Variants in RNF144A observed in about 807,000 individuals in gnomAD.
RNF144A encodes E3 ubiquitin-protein ligase RNF144A.
Under a neutral mutation model 38.7 loss-of-function variants are expected in RNF144A, and 11 were observed. The ratio of observed to expected loss-of-function variants is 0.28; its 90% CI spans 0.18 to 0.47. The LOEUF (loss-of-function observed/expected upper bound fraction) is 0.47. RNF144A is among the 20% of genes least tolerant of loss of function. The probability of loss-of-function intolerance (pLI) is 0.99; values close to 1 mark genes in which losing one functional copy is unlikely to be tolerated. For synonymous variants in RNF144A, 149 were observed against 143.9 expected, an observed-to-expected ratio of 1.04 and a Z score of -0.25; for missense variants, 316 against 377.2, an observed-to-expected ratio of 0.84 and a Z score of 1.34.
At chr2:6,998,641 A>G (rs968104430) in intron 3 of RNF144A, among the ~76,000 whole-genome samples, 2 of 152,208 alleles carry the variant, frequency 1.3e-5, no homozygotes, top group African/African-American at 4.8e-5. Context: ...AAGCACCAGG[A>G]AGACAGCTCC....
chr2:6,946,776 GT>G (rs1335046927), intron 2 of RNF144A, among the ~76,000 whole-genome samples: 3 of 152,030 alleles, frequency 2.0e-5, no homozygotes, highest in Non-Finnish European at 4.4e-5. Context: ...CTTAAACAAA[GT>G]GCCTCTAAGT....
chr2:6,980,387 T>C (rs1483346428), intron 2 of RNF144A, among the ~76,000 whole-genome samples: 1 of 152,240 alleles, frequency 6.6e-6, no homozygotes, highest in African/African-American at 2.4e-5. Context: ...ACTTCTAAGA[T>C]ATACTGGGGG....
intron 6 of RNF144A, among the ~76,000 whole-genome samples, chr2:7,021,235 C>T (rs549238935): frequency 6.6e-6 from 1 of 152,246 alleles, no homozygotes; most frequent in South Asian, 2.1e-4. Context: ...TCATCATATC[C>T]AGGTCTTTTT....
At chr2:6,940,430 C>T (rs141888016) in intron 1 of RNF144A, among the ~76,000 whole-genome samples, 49 of 152,284 alleles carry the variant, frequency 3.2e-4, no homozygotes, top group Admixed American at 2.6e-3. Context: ...TTACTGATAA[C>T]GCTGAATTTA....
intron 2 of RNF144A, among the ~76,000 whole-genome samples, chr2:6,964,435 A>G (rs1297067025): frequency 2.0e-5 from 3 of 152,378 alleles, no homozygotes; most frequent in Admixed American, 1.3e-4. Flanking sequence ...ATCTAGAACT[A>G]GAAATACCAT....
chr2:6,947,941 G>C (rs1345516565), intron 2 of RNF144A, among the ~76,000 whole-genome samples: 3 of 152,220 alleles, frequency 2.0e-5, no homozygotes, highest in Non-Finnish European at 2.9e-5. Flanking sequence ...CATAACGTGT[G>C]ATCAACATTC....
chr2:7,042,904 G>A lies in RNF144A; in HGVS notation c.*3144G>A. 1 of 961,306 alleles carries A rather than the reference G, an allele frequency of 1.0e-6. No individual in the cohort carries two copies. Among genetic ancestry groups the A allele is most frequent in the Non-Finnish European group, 1.2e-6 (1 of 808,598 alleles). The allele number at this position is 961,306 out of a possible 1,614,324, so 59.5% of individuals were successfully genotyped here. A position where few individuals can be genotyped will look rare whatever the true frequency, so the allele number is the denominator to read the frequency against. Reference sequence around the variant, plus strand: ...CTTTTTGAGACGGAGTTTCGCTTTTGTCCCCCAAGCTGGAGTACAATGACA... The same window carrying A: ...CTTTTTGAGACGGAGTTTCGCTTTTATCCCCCAAGCTGGAGTACAATGACA... On this transcript the variant is annotated 3_prime_UTR_variant, in exon 9 of 9. Transcript: ENST00000320892.
At chr2:6,986,589 G>A (rs1668981771) in intron 2 of RNF144A, among the ~76,000 whole-genome samples, 1 of 152,164 alleles carries the variant, frequency 6.6e-6, no homozygotes, top group African/African-American at 2.4e-5. Context: ...AACAGAGTGT[G>A]ATTAAGATCA....
At chr2:7,030,337 T>A in intron 8 of RNF144A, 122 bp downstream of exon 8, 1 of 755,338 alleles carries the variant, frequency 1.3e-6, no homozygotes, top group South Asian at 1.6e-5. Flanking sequence ...CAGACTTGCC[T>A]AAAGGACGAA....
At chr2:6,964,002 G>T (rs890812495) in intron 2 of RNF144A, among the ~76,000 whole-genome samples, 1 of 152,090 alleles carries the variant, frequency 6.6e-6, no homozygotes, top group African/African-American at 2.4e-5. Context: ...AGGAAGTAAT[G>T]ATGTGGCTCA....
At chr2:7,069,962 A>G (rs113175295), downstream of RNF144A, among the ~76,000 whole-genome samples, 3 of 152,340 alleles carry the variant, frequency 2.0e-5, no homozygotes, top group Non-Finnish European at 4.4e-5. Flanking sequence ...TTTTGCGTGC[A>G]TGGAAGTGCT....
At chr2:7,060,653 T>C (rs1673915829) in intron 6 of RNF144A, among the ~76,000 whole-genome samples, 1 of 152,204 alleles carries the variant, frequency 6.6e-6, no homozygotes, top group Non-Finnish European at 1.5e-5. Flanking sequence ...ACCACATCGT[T>C]GTCACCCTTG....
intron 3 of RNF144A, among the ~76,000 whole-genome samples, chr2:6,999,975 C>T (rs1188017542): frequency 6.6e-6 from 1 of 152,212 alleles, no homozygotes; most frequent in East Asian, 1.9e-4. Flanking sequence ...ACCAAGACAT[C>T]CACAGCCAGA....
chr2:7,009,053 C>T (rs1463566185), intron 3 of RNF144A, among the ~76,000 whole-genome samples: 1 of 152,090 alleles, frequency 6.6e-6, no homozygotes, highest in Non-Finnish European at 1.5e-5. Flanking sequence ...GCCACAGAGG[C>T]ATTACCCCTG....
chr2:7,024,508 T>C lies in RNF144A; in HGVS notation c.649T>C (p.Ser217Pro), dbSNP rs775561756. Residue 217 changes from serine to proline, a missense_variant, in exon 7 of 9, where the codon TCT becomes CCT. Coordinates refer to ENST00000320892, the MANE Select transcript of RNF144A (RefSeq NM_014746.6). The part of the protein sequence containing the change: ...KHAFCWYCLE[S>P]LDDDFLLIHY... The stretch of plus-strand genomic sequence containing the variant: ...CGCCTTCTGCTGGTACTGCCTGGAG[T>C]CTCTGGACGTGAGTACGGCCTTCAG... 1 of 1,605,852 alleles carries C rather than the reference T, an allele frequency of 6.2e-7. No homozygotes were observed. Among genetic ancestry groups the C allele is most frequent in the Non-Finnish European group, 8.5e-7 (1 of 1,173,192 alleles).
intron 1 of RNF144A, among the ~76,000 whole-genome samples, chr2:6,928,641 T>C (rs1207247862): frequency 6.6e-6 from 1 of 152,234 alleles, no homozygotes; most frequent in African/African-American, 2.4e-5. Context: ...CCTTCCTTTC[T>C]GGCGACTGCG....
At chr2:6,954,110 G>T (rs1452446975) in intron 2 of RNF144A, among the ~76,000 whole-genome samples, 2 of 151,676 alleles carry the variant, frequency 1.3e-5, no homozygotes, top group Non-Finnish European at 2.9e-5. Flanking sequence ...ATACTTTTAG[G>T]TATATTTATC....
Position 7,043,206 on chromosome 2 carries a change from T to C in RNF144A, c.*3446T>C. 1 of 985,412 alleles carries C rather than the reference T, an allele frequency of 1.0e-6. No homozygotes were observed. Among genetic ancestry groups the C allele is most frequent in the Non-Finnish European group, 1.2e-6 (1 of 829,924 alleles). The allele number at this position is 985,412 out of a possible 1,614,324, so 61.0% of individuals were successfully genotyped here. A position where few individuals can be genotyped will look rare whatever the true frequency, so the allele number is the denominator to read the frequency against. On this transcript the variant is annotated 3_prime_UTR_variant, in exon 9 of 9. Coordinates refer to ENST00000320892, the MANE Select transcript of RNF144A (RefSeq NM_014746.6). The stretch of plus-strand genomic sequence containing the variant: ...GGGAACAAATGATCTTGACAACATA[T>C]TATTCCATAAAACCAGTTTAGGGCA...
chr2:7,011,455 A>G (rs531292674), intron 3 of RNF144A, among the ~76,000 whole-genome samples: 5 of 152,318 alleles, frequency 3.3e-5, no homozygotes, highest in African/African-American at 1.2e-4. Flanking sequence ...AATCAGCCAC[A>G]TGTGGGTTTG....
Sources: allele counts gnomAD v4.1 joint callset (sites outside exome capture counted in the v4.1 genomes callset), GRCh38; gene constraint gnomAD v4.1.1; transcripts MANE v1.5; gene names NCBI Gene and HGNC (gene_info 2026-07-23, HGNC 2026-07-21).